Variants in FAM149A observed in about 807,000 individuals in gnomAD.
FAM149A encodes the protein protein FAM149A.
A neutral mutation model predicts 78.2 loss-of-function variants in FAM149A; 71 were observed. The ratio of observed to expected loss-of-function variants is 0.91; its 90% confidence interval spans 0.75 to 1.11. FAM149A has a LOEUF of 1.11. FAM149A is among the 50% of genes least tolerant of loss of function. The pLI is 0.00. For synonymous variants in FAM149A, 446 were observed against 410.5 expected, an observed-to-expected ratio of 1.09 and a Z score of -1.04; for missense variants, 1,036 against 971.0, an observed-to-expected ratio of 1.07 and a Z score of -0.89.
At chr4:186,145,035 C>T in intron 1 of FAM149A, 2 of 981,878 alleles carry the variant, frequency 2.0e-6, no homozygotes, top group Non-Finnish European at 2.4e-6. Flanking sequence ...CGCGGTGCCT[C>T]TGCCTGACGG....
chr4:186,148,352 T>A (rs1561402876), intron 1 of FAM149A, among the ~76,000 whole-genome samples: 1 of 152,230 alleles, frequency 6.6e-6, no homozygotes, highest in Non-Finnish European at 1.5e-5. Flanking sequence ...GTGTTCTAAC[T>A]AGAAATATTG....
chr4:186,130,293 C>CTCTCTCTCTCTCTCTCTCTATATA lies in FAM149A; in HGVS notation c.567-18879_567-18878insCTCTCTCTCTCTCTCTCTATATAT. The CTCTCTCTCTCTCTCTCTCTATATA allele has an allele frequency of 5.4e-3, 252 of 46,498 alleles. 2 individuals carry two copies. Among genetic ancestry groups the CTCTCTCTCTCTCTCTCTCTATATA allele is most frequent in the Non-Finnish European group, 6.1e-3 (157 of 25,876 alleles). 2.9% of individuals were successfully genotyped at this position (46,498 alleles called of 1,614,324 possible). A position where few individuals can be genotyped will look rare whatever the true frequency, so the allele number is the denominator to read the frequency against. ...TCTCTCTCTCTCTCTCTCTCTCTCT[C>CTCTCTCTCTCTCTCTCTCTATATA]TATATATATATATATATATATAATC... On this transcript the variant is annotated intron_variant, in intron 1 of 13. Coordinates refer to ENST00000389354, the MANE Select transcript of FAM149A (RefSeq NM_001367768.3).
Position 186,165,452 on chromosome 4 carries a change from C to G in FAM149A, c.1998C>G (p.Cys666Trp), listed in dbSNP as rs374188803. 3 of 1,614,006 alleles carry G rather than the reference C, an allele frequency of 1.9e-6. No homozygotes were observed. The highest frequency in any genetic ancestry group is 2.5e-6 in the Non-Finnish European group (3 of 1,180,002). The stretch of plus-strand genomic sequence containing the variant: ...GGCAGAATACAGCAGTTCCTGGATG[C>G]CGCCTTGTTTCTGTAAGACAGATTT... The change falls in exon 11 of 14, where the codon TGC (cysteine) becomes TGG (tryptophan). Residue 666 changes from cysteine (C) to tryptophan (W), a missense_variant. Around this residue, in one of 3 missense-constraint regions of FAM149A, gnomAD observed 716 missense variants for 711.8 expected, o/e 1.01. Transcript: ENST00000389354.
chr4:186,125,903 C>T (rs2099318130), intron 1 of FAM149A: 2 of 985,250 alleles, frequency 2.0e-6, no homozygotes, highest in African/African-American at 1.7e-5. Context: ...GGCACCCTCT[C>T]TGTGTCCTGC....
chr4:186,145,712 C>T (rs1217171163), intron 1 of FAM149A, among the ~76,000 whole-genome samples: 1 of 152,162 alleles, frequency 6.6e-6, no homozygotes, highest in Non-Finnish European at 1.5e-5. Context: ...AGACCTGTCC[C>T]CAAATCAACA....
At chr4:186,161,206 A>G (rs1243702676) in intron 8 of FAM149A, among the ~76,000 whole-genome samples, 10 of 152,206 alleles carry the variant, frequency 6.6e-5, no homozygotes, top group Admixed American at 5.9e-4. Flanking sequence ...CTTTTCACAG[A>G]GTAGGGTAAG....
In FAM149A at chr4:186,140,925, C is replaced by G. The variant is rs2099325538; in HGVS notation, c.567-8248C>G. On this transcript the variant is annotated intron_variant, in intron 1 of 13. Transcript: ENST00000389354. ...GGATTTAGCTCATTGATTATGGAGG[C>G]TGACAAGTCACAAGGCCTTCAAGGT... is the stretch of plus-strand genomic sequence containing the variant. Among the ~76,000 whole-genome samples the G allele has an allele frequency of 2.0e-5, 3 of 152,198 alleles. No individual in the cohort carries two copies. The South Asian group carries it at 6.2e-4, about 32-fold the overall frequency.
chr4:186,105,044 C>T lies in FAM149A; in HGVS notation c.-33C>T, dbSNP rs1561379359. 2 of 1,263,252 alleles carry T rather than the reference C, an allele frequency of 1.6e-6. No homozygotes were observed. The highest frequency in any genetic ancestry group is 1.0e-6 in the Non-Finnish European group (1 of 977,518). 78.3% of individuals were successfully genotyped at this position (1,263,252 alleles called of 1,614,324 possible). On this transcript the variant is annotated 5_prime_UTR_variant, in exon 1 of 14. Transcript: ENST00000389354. ...GATCTCCGCGGTCTGAACTCTCGGG[C>T]GGCGGCGAGGACGGCGTGTCCACTG...
At chr4:186,161,932 G>C (rs1734638262) in intron 8 of FAM149A, among the ~76,000 whole-genome samples, 1 of 152,090 alleles carries the variant, frequency 6.6e-6, no homozygotes, top group African/African-American at 2.4e-5. Flanking sequence ...TTAAGTTCTG[G>C]GATACATGTG....
At chr4:186,150,571 CA>C (rs1174205441) in intron 3 of FAM149A, among the ~76,000 whole-genome samples, 1 of 63,428 alleles carries the variant, frequency 1.6e-5, no homozygotes. Context: ...AGGCGCCCAC[CA>C]CCACGCCCGG....
At chr4:186,161,069 AT>A (rs1734569948) in intron 8 of FAM149A, among the ~76,000 whole-genome samples, 1 of 152,220 alleles carries the variant, frequency 6.6e-6, no homozygotes, top group Non-Finnish European at 1.5e-5. Flanking sequence ...TTAATAGTCT[AT>A]ATAATCCTTT....
At chr4:186,117,470 G>A (rs2099314219) in intron 1 of FAM149A, 7 of 985,312 alleles carry the variant, frequency 7.1e-6, no homozygotes, top group Non-Finnish European at 8.4e-6. Flanking sequence ...GAGGCGCGGA[G>A]ATGATGCTGA....
At chr4:186,146,936 T>C (rs1733099382) in intron 1 of FAM149A, 1 of 985,268 alleles carries the variant, frequency 1.0e-6, no homozygotes, top group South Asian at 4.7e-5. Context: ...GTGTGACGAG[T>C]GTTATTTCAG....
intron 1 of FAM149A, among the ~76,000 whole-genome samples, chr4:186,143,261 C>T (rs146925477): frequency 5.5e-5 from 8 of 145,754 alleles, no homozygotes; most frequent in East Asian, 4.2e-4. Flanking sequence ...CAAAACACTG[C>T]GGTTACAGGT....
intron 1 of FAM149A, among the ~76,000 whole-genome samples, chr4:186,106,142 C>T (rs905339157): frequency 6.6e-6 from 1 of 152,180 alleles, no homozygotes; most frequent in Non-Finnish European, 1.5e-5. Flanking sequence ...AGTTAATTTA[C>T]ATATGCATGA....
chr4:186,146,618 A>G, intron 1 of FAM149A: 1 of 783,914 alleles, frequency 1.3e-6, no homozygotes, highest in Non-Finnish European at 1.5e-6. Context: ...TTGGCTTCAA[A>G]GTTGCACAAA....
intron 4 of FAM149A, among the ~76,000 whole-genome samples, chr4:186,152,320 G>A (rs1733646993): frequency 6.6e-6 from 1 of 152,156 alleles, no homozygotes; most frequent in African/African-American, 2.4e-5. Context: ...GAATGGTGGA[G>A]GCCACCTCTT....
chr4:186,136,838 C>A (rs4862645), intron 1 of FAM149A, among the ~76,000 whole-genome samples: 21,106 of 152,104 alleles, frequency 0.14, 1,821 homozygotes, highest in East Asian at 0.47. Flanking sequence ...TCTGCCTTTC[C>A]GTCCACCTGT....
At chr4:186,118,232 TG>T (rs1167808456) in intron 1 of FAM149A, 1 of 985,302 alleles carries the variant, frequency 1.0e-6, no homozygotes, top group East Asian at 1.1e-4. Context: ...TTACTGTTGC[TG>T]TGGGAGTTTC....
Sources: allele counts gnomAD v4.1 joint callset (sites outside exome capture counted in the v4.1 genomes callset), GRCh38; gene constraint gnomAD v4.1.1; regional missense constraint gnomAD v4.1.1; transcripts MANE v1.5; gene names NCBI Gene and HGNC (gene_info 2026-07-23, HGNC 2026-07-21).